The following SNRK variants were observed in gnomAD, a reference collection of about 807,000 sequenced individuals.
SNRK encodes SNF-related serine/threonine-protein kinase.
SNRK carries 3 observed loss-of-function variants against 48.2 expected under a neutral mutation model. The observed-to-expected ratio is 0.06, with a 90% confidence interval of 0.03 to 0.16. The LOEUF (loss-of-function observed/expected upper bound fraction) is 0.16, where lower values mean the gene tolerates loss of function less well. SNRK is among the 10% of genes least tolerant of loss of function. The pLI, the probability that SNRK is intolerant of heterozygous loss-of-function variation, is 1.00. For synonymous variants in SNRK, 376 were observed against 366.1 expected (o/e 1.03, Z -0.31); for missense variants, 627 against 976.0 (o/e 0.64, Z 4.76).
chr3:43,296,647 CATACTGTTTT>C (rs1305437853), intron 1 of SNRK, among the ~76,000 whole-genome samples: 1 of 151,962 alleles, frequency 6.6e-6, no homozygotes, highest in African/African-American at 2.4e-5. Flanking sequence ...CTTTGTTGAG[CATACTGTTTT>C]GTCCCTACCT....
intron 1 of SNRK, among the ~76,000 whole-genome samples, chr3:43,299,474 CCTT>C (rs1447423089): frequency 6.6e-6 from 1 of 152,168 alleles, no homozygotes; most frequent in African/African-American, 2.4e-5. Context: ...CCGCACCCGG[CCTT>C]GTTCATTATT....
Position 43,348,215 on chromosome 3 carries a change from C to T in SNRK, c.1956C>T (p.Leu652=). 1 of 1,610,524 alleles carries T rather than the reference C, an allele frequency of 6.2e-7. No homozygotes were observed. The highest frequency in any genetic ancestry group is 8.5e-7 in the Non-Finnish European group (1 of 1,178,268). The change falls in exon 7 of 7, where the codon CTC becomes CTT. Residue 652 remains leucine, a synonymous_variant. Transcript: ENST00000296088. ...TTGAGAGCCTCAAACTCATGAGCCT[C>T]TGCCTCGGCTCCCAGCTTCATGGGA... is the stretch of plus-strand genomic sequence containing the variant. The part of the protein sequence containing the change: ...ELVESLKLMS[L]CLGSQLHGST...
chr3:43,299,913 A>G (rs1159123120), intron 2 of SNRK, 98 bp downstream of exon 2: 1 of 152,554 alleles, frequency 6.6e-6, no homozygotes, highest in African/African-American at 2.4e-5. Flanking sequence ...GAGCTGCAAG[A>G]TCCTCAGAGA....
chr3:43,348,833 T>C lies in SNRK; in HGVS notation c.*276T>C, dbSNP rs1177538540. 3.3e-6 allele frequency: 1 copy of C among 303,804 alleles called. No individual in the cohort carries two copies. Among genetic ancestry groups the C allele is most frequent in the Non-Finnish European group, 6.0e-6 (1 of 166,648 alleles). 18.8% of individuals were successfully genotyped at this position (303,804 alleles called of 1,614,324 possible). A position where few individuals can be genotyped will look rare whatever the true frequency, so the allele number is the denominator to read the frequency against. ...TAAATCAAGATATATATCTGGAACC[T>C]CTTATAAATGGAGCACTTAGAAATT... On this transcript the variant is annotated 3_prime_UTR_variant, in exon 7 of 7. Transcript: ENST00000296088.
chr3:43,342,100 C>T (rs993569332), intron 5 of SNRK, among the ~76,000 whole-genome samples: 1 of 152,144 alleles, frequency 6.6e-6, no homozygotes, highest in African/African-American at 2.4e-5. Context: ...ATTGGCCTTA[C>T]GTTCTTAGCT....
rs1188403194 is a variant in SNRK at position 43,303,402 on chromosome 3, A to T, written c.199A>T (p.Met67Leu). 1 of 1,614,078 alleles carries T rather than the reference A, an allele frequency of 6.2e-7. No individual in the cohort carries two copies. The highest frequency in any genetic ancestry group is 8.5e-7 in the Non-Finnish European group (1 of 1,180,042). The part of the protein sequence containing the change: ...TGHLFQEVRC[M>L]KLVQHPNIVR... ...TCATCTTTTCCAGGAAGTGAGATGC[A>T]TGAAACTAGTGCAGCATCCTAACAT... The change falls in exon 3 of 7, where the codon ATG becomes TTG. Residue 67 changes from methionine to leucine, a missense_variant. Transcript: ENST00000296088. The surrounding 1 kb of genome is among the most constrained non-coding windows in gnomAD (Gnocchi z 6.2).
intron 3 of SNRK, among the ~76,000 whole-genome samples, chr3:43,321,279 C>G (rs1432410622): frequency 1.3e-5 from 2 of 152,128 alleles, no homozygotes; most frequent in Non-Finnish European, 2.9e-5. Flanking sequence ...GACAGCTTTT[C>G]TTATGGTAAG....
At chr3:43,307,227 A>G (rs909214002) in intron 3 of SNRK, among the ~76,000 whole-genome samples, 8 of 152,178 alleles carry the variant, frequency 5.3e-5, no homozygotes, top group African/African-American at 1.9e-4. Context: ...TTTCTAATAT[A>G]TTTTACATGA....
intron 3 of SNRK, among the ~76,000 whole-genome samples, chr3:43,308,995 C>T (rs180714397): frequency 6.6e-6 from 1 of 151,974 alleles, no homozygotes. Context: ...TGGATGACTT[C>T]GAGGGGTTCA....
In SNRK at chr3:43,334,699, T is replaced by TTC. The variant is rs375798491; in HGVS notation, c.731+2392_731+2393dup. ...GCCTCCACCTCCTGGGTTCAAGCGA[T>TTC]TCTCCTGCTTCAGCCTCCCAGTTAG... On this transcript the variant is annotated intron_variant, in intron 4 of 6. Transcript: ENST00000296088. Among the ~76,000 whole-genome samples the TTC allele has an allele frequency of 4.6e-3, 700 of 152,160 alleles. 4 individuals carry two copies. Among genetic ancestry groups the TTC allele is most frequent in the African/African-American group, 0.016 (674 of 41,516 alleles).
intron 3 of SNRK, among the ~76,000 whole-genome samples, chr3:43,317,949 G>T (rs765345870): frequency 1.3e-5 from 2 of 152,148 alleles, no homozygotes; most frequent in Non-Finnish European, 2.9e-5. Context: ...TTAGCATAAC[G>T]CCAGACACAA....
chr3:43,308,204 A>G (rs987486179), intron 3 of SNRK, among the ~76,000 whole-genome samples: 7 of 152,238 alleles, frequency 4.6e-5, no homozygotes, highest in African/African-American at 1.7e-4. Flanking sequence ...AGCCATCTCC[A>G]TAACATAAAA....
At chr3:43,325,373 G>T (rs1359439603) in intron 3 of SNRK, among the ~76,000 whole-genome samples, 1 of 152,012 alleles carries the variant, frequency 6.6e-6, no homozygotes, top group Non-Finnish European at 1.5e-5. Context: ...CACTGTGTTA[G>T]CCAAGATGGT....
In SNRK at chr3:43,303,378, C is replaced by T. The variant is rs1371436206; in HGVS notation, c.175C>T (p.His59Tyr). 1.2e-6 allele frequency: 2 copies of T among 1,614,120 alleles called. No individual in the cohort carries two copies. The highest frequency in any genetic ancestry group is 8.5e-7 in the Non-Finnish European group (1 of 1,180,024). ...AAAACTGGACACTCTAGCTACTGGT[C>T]ATCTTTTCCAGGAAGTGAGATGCAT... ...KTKLDTLATGHLFQEVRCMKL... is the reference protein window; with the variant it reads ...KTKLDTLATGYLFQEVRCMKL... The change falls in exon 3 of 7, where the codon CAT becomes TAT. Residue 59 changes from histidine (H) to tyrosine (Y), a missense_variant. By Grantham distance (83) the His-to-Tyr change is moderately conservative. Transcript: ENST00000296088. The surrounding 1 kb of genome is among the most constrained non-coding windows in gnomAD (Gnocchi z 6.2).
intron 3 of SNRK, among the ~76,000 whole-genome samples, chr3:43,311,179 A>G (rs910498762): frequency 6.6e-6 from 1 of 152,194 alleles, no homozygotes; most frequent in Admixed American, 6.5e-5. Context: ...TGATAAAGAC[A>G]ATCTACAGAA....
At chr3:43,327,532 TAG>T (rs1334987892) in intron 3 of SNRK, among the ~76,000 whole-genome samples, 4 of 152,320 alleles carry the variant, frequency 2.6e-5, no homozygotes, top group African/African-American at 9.6e-5. Flanking sequence ...AGGAAAAAAA[TAG>T]AGGTTTCTAC....
chr3:43,298,458 G>A (rs1449112737), intron 1 of SNRK, among the ~76,000 whole-genome samples: 3 of 152,140 alleles, frequency 2.0e-5, no homozygotes, highest in African/African-American at 7.2e-5. Context: ...TGTGCCCATG[G>A]CTTTGCCAGC....
At chr3:43,310,162 T>C (rs1176984742) in intron 3 of SNRK, among the ~76,000 whole-genome samples, 1 of 152,016 alleles carries the variant, frequency 6.6e-6, no homozygotes, top group Admixed American at 6.5e-5. Flanking sequence ...GAATCAGTCT[T>C]TGAATAGGTG....
In SNRK at chr3:43,323,562, A is replaced by G. The variant is rs577645160; in HGVS notation, c.590-8607A>G. On this transcript the variant is annotated intron_variant, in intron 3 of 6. Transcript: ENST00000296088. Reference sequence around the variant, plus strand: ...AAAATCATTTGGCAGTTTCTTAGAAAGATAAACATACACTTACCCAGCAAT... The same window carrying G: ...AAAATCATTTGGCAGTTTCTTAGAAGGATAAACATACACTTACCCAGCAAT... 7.2e-4 allele frequency among the ~76,000 whole-genome samples: 109 copies of G among 152,338 alleles called. 1 individual carries two copies. Among genetic ancestry groups the G allele is most frequent in the African/African-American group, 2.5e-3 (105 of 41,580 alleles).
Sources: allele counts gnomAD v4.1 joint callset (sites outside exome capture counted in the v4.1 genomes callset), GRCh38; gene constraint gnomAD v4.1.1; non-coding constraint Gnocchi (gnomAD v3.1); transcripts MANE v1.5; gene names NCBI Gene and HGNC (gene_info 2026-07-23, HGNC 2026-07-21).